ISM1: variants seen among roughly 807,000 people sequenced by gnomAD.
ISM1 encodes the protein isthmin 1.
Under a neutral mutation model 46.3 loss-of-function variants are expected in ISM1, and 25 were observed. The ratio of observed to expected loss-of-function variants is 0.54; its 90% CI spans 0.39 to 0.75. ISM1 has a LOEUF of 0.75. ISM1 is among the 30% of genes least tolerant of loss of function. The probability of loss-of-function intolerance (pLI) is 0.00; values close to 1 mark genes in which losing one functional copy is unlikely to be tolerated. For missense variants in ISM1, 536 were observed against 625.4 expected (o/e 0.86, Z 1.52); for synonymous variants, 255 against 256.7 (o/e 0.99, Z 0.06).
intron 5 of ISM1, among the ~76,000 whole-genome samples, chr20:13,295,733 C>T (rs985828123): frequency 1.2e-4 from 19 of 152,230 alleles, no homozygotes; most frequent in African/African-American, 4.1e-4. Flanking sequence ...CAGGCTCAGC[C>T]ATGCTGACTG....
At chr20:13,325,933 C>T in the ISM1 span, among the ~76,000 whole-genome samples, 408 of 152,314 alleles carry the variant, frequency 2.7e-3, 2 homozygotes, top group Non-Finnish European at 4.3e-3. Flanking sequence ...GTGGTACCTA[C>T]AAAGAGGTAG....
chr20:13,266,529 A>C (rs949574041), intron 1 of ISM1, among the ~76,000 whole-genome samples: 1 of 152,202 alleles, frequency 6.6e-6, no homozygotes, highest in Admixed American at 6.5e-5. Context: ...AGCATTGTCA[A>C]TGTTAACTCA....
chr20:13,231,715 AT>A (rs1227771733), intron 1 of ISM1, among the ~76,000 whole-genome samples: 1 of 152,206 alleles, frequency 6.6e-6, no homozygotes, highest in East Asian at 1.9e-4. Flanking sequence ...ACACACATCC[AT>A]TAGACAGCAA....
At chr20:13,315,796 G>A in the ISM1 span, among the ~76,000 whole-genome samples, 12,563 of 151,940 alleles carry the variant, frequency 0.083, 1,095 homozygotes, top group African/African-American at 0.22. Context: ...ATCATACAAT[G>A]TCCACTCTCA....
chr20:13,275,458 G>A (rs1248548853), intron 2 of ISM1, among the ~76,000 whole-genome samples: 1 of 152,166 alleles, frequency 6.6e-6, no homozygotes, highest in Non-Finnish European at 1.5e-5. Context: ...AGCCTGTTCG[G>A]CTCAGATTCT....
chr20:13,284,780 A>G (rs1408912219), intron 3 of ISM1, among the ~76,000 whole-genome samples: 1 of 152,210 alleles, frequency 6.6e-6, no homozygotes, highest in East Asian at 1.9e-4. Context: ...AATTAGCCAC[A>G]TGGCGAGTTC....
chr20:13,264,203 C>A (rs2040019529), intron 1 of ISM1, among the ~76,000 whole-genome samples: 1 of 152,150 alleles, frequency 6.6e-6, no homozygotes, highest in African/African-American at 2.4e-5. Flanking sequence ...AATTTGCCAG[C>A]CAGTCTGCCT....
intron 3 of ISM1, among the ~76,000 whole-genome samples, chr20:13,287,710 A>G (rs1261664244): frequency 6.6e-6 from 1 of 152,230 alleles, no homozygotes; most frequent in Non-Finnish European, 1.5e-5. Flanking sequence ...TGTGCCTGAC[A>G]TACAAAAAGG....
In ISM1 at chr20:13,299,877, G is replaced by C. The variant is rs1328977020; in HGVS notation, c.*418G>C. 3 of 159,118 alleles carry C rather than the reference G, an allele frequency of 1.9e-5. No individual in the cohort carries two copies. Among genetic ancestry groups the C allele is most frequent in the African/African-American group, 7.2e-5 (3 of 41,612 alleles). 9.9% of individuals were successfully genotyped at this position (159,118 alleles called of 1,614,324 possible). ...TTTAATACAAATGTGACTTAATTAA[G>C]CGTAACCTTTTCTCTGGAGTTGTGG... is the stretch of plus-strand genomic sequence containing the variant. On this transcript the variant is annotated 3_prime_UTR_variant, in exon 6 of 6. Transcript: ENST00000262487. This position sits in a 1 kb window ranked among gnomAD's most constrained non-coding sequence, Gnocchi z 5.8.
At chr20:13,304,438 T>C (rs1306501649), downstream of ISM1, among the ~76,000 whole-genome samples, 2 of 152,196 alleles carry the variant, frequency 1.3e-5, no homozygotes, top group South Asian at 2.1e-4. Context: ...TCCTTGTCTA[T>C]AAATTGGGGT....
intron 3 of ISM1, among the ~76,000 whole-genome samples, chr20:13,282,894 A>G (rs987532149): frequency 2.0e-5 from 3 of 152,188 alleles, no homozygotes; most frequent in African/African-American, 4.8e-5. Context: ...CTCTACGCCC[A>G]TTGTAGGTGC....
At chr20:13,282,269 G>A (rs1194369696) in intron 3 of ISM1, among the ~76,000 whole-genome samples, 2 of 152,152 alleles carry the variant, frequency 1.3e-5, no homozygotes, top group Non-Finnish European at 2.9e-5. Context: ...TTCAGCCCGG[G>A]TTGAAGGCCA....
At chr20:13,254,310 A>G (rs541716741) in intron 1 of ISM1, among the ~76,000 whole-genome samples, 44 of 152,042 alleles carry the variant, frequency 2.9e-4, no homozygotes, top group African/African-American at 1.0e-3. Flanking sequence ...ATAACCATAT[A>G]CATATACTTT....
At chr20:13,296,745 C>A (rs1336482786) in intron 5 of ISM1, among the ~76,000 whole-genome samples, 1 of 152,144 alleles carries the variant, frequency 6.6e-6, no homozygotes, top group Non-Finnish European at 1.5e-5. Flanking sequence ...GTCAGCCAGG[C>A]GTGGTGGCTT....
chr20:13,283,684 G>A (rs948267738), intron 3 of ISM1, among the ~76,000 whole-genome samples: 2 of 150,918 alleles, frequency 1.3e-5, no homozygotes, highest in Middle Eastern at 3.2e-3. Flanking sequence ...AGGGCAAAGG[G>A]AGAGTTCCAA....
In ISM1 at chr20:13,257,788, T is replaced by C. The variant is rs546775829; in HGVS notation, c.139-12716T>C. On this transcript the variant is annotated intron_variant, in intron 1 of 5. Transcript: ENST00000262487. ...GCAGAGTTGAGAATTAAATCCACAG[T>C]GTACTGTGGGCCAGTGTTCTTGAGC... 3.3e-4 allele frequency among the ~76,000 whole-genome samples: 50 copies of C among 152,036 alleles called. No individual in the cohort carries two copies. The Middle Eastern group carries it at 0.014, about 42-fold the overall frequency.
downstream of ISM1, among the ~76,000 whole-genome samples, chr20:13,301,313 C>A (rs2040456595): frequency 2.6e-5 from 4 of 152,214 alleles, no homozygotes; most frequent in South Asian, 8.3e-4. Context: ...CTCAGCCTCC[C>A]GAGTAGCTGG....
chr20:13,236,647 G>A (rs570596324), intron 1 of ISM1, among the ~76,000 whole-genome samples: 81 of 152,290 alleles, frequency 5.3e-4, no homozygotes, highest in African/African-American at 1.6e-3. Flanking sequence ...AAGCAAGCTA[G>A]TTACTTCCTA....
intron 5 of ISM1, 32 bp from the exon 6 acceptor site, chr20:13,298,910 C>A (rs554517627): frequency 6.2e-7 from 1 of 1,604,782 alleles, no homozygotes; most frequent in Non-Finnish European, 8.5e-7. Flanking sequence ...GTTGTACACG[C>A]GGTGAGAGGG....
Sources: gnomAD v4.1 joint callset for allele counts (sites outside exome capture counted in the v4.1 genomes callset) on GRCh38, gnomAD v4.1.1 for gene constraint, Gnocchi (gnomAD v3.1) non-coding constraint, MANE v1.5 for transcripts, NCBI Gene and HGNC (gene_info 2026-07-23, HGNC 2026-07-21) for gene names.